CLSTN2: variants seen among roughly 807,000 people sequenced by gnomAD.
CLSTN2 encodes calsyntenin 2.
CLSTN2 carries 48 observed loss-of-function variants against 101.2 expected under a neutral mutation model. The ratio of observed to expected loss-of-function variants is 0.47; its 90% CI spans 0.38 to 0.60. CLSTN2 has a LOEUF of 0.60. Among genes scored for constraint, CLSTN2 ranks in the 20% least tolerant of loss-of-function variants. The pLI is 0.00. For missense variants in CLSTN2, 1,160 were observed against 1,238.2 expected (o/e 0.94, Z 0.95); for synonymous variants, 481 against 463.6 (o/e 1.04, Z -0.48).
At chr3:140,208,028 C>A (rs2010806128) in intron 2 of CLSTN2, among the ~76,000 whole-genome samples, 1 of 152,076 alleles carries the variant, frequency 6.6e-6, no homozygotes. Flanking sequence ...AACCCATTGT[C>A]TGCCAGATTT....
In CLSTN2 at chr3:140,083,452, T is replaced by C. The variant is rs140922199; in HGVS notation, c.110-92499T>C. 1.5e-3 allele frequency among the ~76,000 whole-genome samples: 229 copies of C among 152,344 alleles called. 2 individuals carry two copies. Among genetic ancestry groups the C allele is most frequent in the Non-Finnish European group, 2.6e-3 (174 of 68,034 alleles). On this transcript the variant is annotated intron_variant, in intron 1 of 16. Transcript: ENST00000458420. ...GATGAATGGATGAATGAATTAATGA[T>C]TGGTTGGATGAATTAATATTTCAGA...
chr3:140,417,259 T>C (rs1203538518), intron 4 of CLSTN2, among the ~76,000 whole-genome samples: 2 of 152,300 alleles, frequency 1.3e-5, no homozygotes, highest in South Asian at 2.1e-4. Context: ...TGAACAACAA[T>C]CCATCTTATG....
intron 2 of CLSTN2, among the ~76,000 whole-genome samples, chr3:140,400,356 A>G (rs928465410): frequency 4.6e-5 from 7 of 152,140 alleles, no homozygotes; most frequent in African/African-American, 1.7e-4. Context: ...AACATGCTCC[A>G]TTGTCCCATC....
intron 2 of CLSTN2, among the ~76,000 whole-genome samples, chr3:140,186,154 T>C (rs1559801377): frequency 6.6e-6 from 1 of 152,088 alleles, no homozygotes; most frequent in Non-Finnish European, 1.5e-5. Flanking sequence ...AAATCGTCTT[T>C]TAAAAAGACA....
intron 2 of CLSTN2, among the ~76,000 whole-genome samples, chr3:140,295,570 T>C (rs928017612): frequency 2.2e-4 from 33 of 152,210 alleles, no homozygotes; most frequent in Non-Finnish European, 7.3e-5. Context: ...CTTTATTTTT[T>C]CCCTGAAGTA....
chr3:140,537,825 G>C (rs1935388357), intron 9 of CLSTN2, among the ~76,000 whole-genome samples: 1 of 152,112 alleles, frequency 6.6e-6, no homozygotes, highest in African/African-American at 2.4e-5. Flanking sequence ...CCTCAATCCT[G>C]GACCTCTAAA....
chr3:140,027,118 C>T (rs1025418075), intron 1 of CLSTN2, among the ~76,000 whole-genome samples: 3 of 152,180 alleles, frequency 2.0e-5, no homozygotes, highest in African/African-American at 4.8e-5. Flanking sequence ...CAGCCCAGGG[C>T]GTTCATCAGA....
At chr3:140,374,196 G>C (rs1020261433) in intron 2 of CLSTN2, among the ~76,000 whole-genome samples, 1 of 152,210 alleles carries the variant, frequency 6.6e-6, no homozygotes, top group Non-Finnish European at 1.5e-5. Context: ...ATCTGGTCCT[G>C]ATTTACTGTT....
chr3:140,527,597 A>G (rs1935170096), intron 8 of CLSTN2, among the ~76,000 whole-genome samples: 1 of 152,192 alleles, frequency 6.6e-6, no homozygotes, highest in African/African-American at 2.4e-5. Context: ...AAATTGTTTT[A>G]CCAAAAAGAC....
intron 15 of CLSTN2, among the ~76,000 whole-genome samples, chr3:140,563,411 A>G (rs986128348): frequency 7.9e-5 from 12 of 152,204 alleles, no homozygotes; most frequent in African/African-American, 2.9e-4. Flanking sequence ...CGCAACACAC[A>G]TAATAGCAGA....
At chr3:140,096,081 T>C (rs1390835266) in intron 1 of CLSTN2, among the ~76,000 whole-genome samples, 1 of 152,178 alleles carries the variant, frequency 6.6e-6, no homozygotes, top group Non-Finnish European at 1.5e-5. Flanking sequence ...CAGAAAAGAT[T>C]CTAAGGGAAA....
intron 2 of CLSTN2, among the ~76,000 whole-genome samples, chr3:140,344,426 C>A (rs1330576949): frequency 6.6e-6 from 1 of 152,184 alleles, no homozygotes; most frequent in African/African-American, 2.4e-5. Flanking sequence ...ACGTTGCATG[C>A]CAGAGACAAC....
At chr3:140,258,711 A>G (rs2086623730) in intron 2 of CLSTN2, among the ~76,000 whole-genome samples, 1 of 152,178 alleles carries the variant, frequency 6.6e-6, no homozygotes, top group African/African-American at 2.4e-5. Context: ...ATATCTTTGA[A>G]CCGTTTTTTA....
intron 2 of CLSTN2, among the ~76,000 whole-genome samples, chr3:140,276,649 C>A (rs2086797576): frequency 6.6e-6 from 1 of 152,106 alleles, no homozygotes; most frequent in Non-Finnish European, 1.5e-5. Flanking sequence ...ACTGGGGACC[C>A]TGTGAGGTAT....
At chr3:140,340,642 A>G (rs986450900) in intron 2 of CLSTN2, among the ~76,000 whole-genome samples, 2 of 152,188 alleles carry the variant, frequency 1.3e-5, no homozygotes, top group Admixed American at 1.3e-4. Context: ...AACATCTTAT[A>G]CTGATGTGGT....
intron 1 of CLSTN2, among the ~76,000 whole-genome samples, chr3:140,113,210 A>G (rs1028597090): frequency 1.3e-5 from 2 of 152,192 alleles, no homozygotes; most frequent in Non-Finnish European, 2.9e-5. Flanking sequence ...TGCCCTCGCA[A>G]GAGAGCCAGT....
intron 1 of CLSTN2, among the ~76,000 whole-genome samples, chr3:140,149,712 C>A (rs2009832968): frequency 6.6e-6 from 1 of 152,172 alleles, no homozygotes; most frequent in Admixed American, 6.5e-5. Flanking sequence ...CCACCTTGAC[C>A]TTCCAAAGTG....
chr3:139,978,303 C>T (rs752802388), intron 1 of CLSTN2, among the ~76,000 whole-genome samples: 26 of 152,144 alleles, frequency 1.7e-4, no homozygotes, highest in Non-Finnish European at 1.9e-4. Flanking sequence ...TGAACTGTTG[C>T]TCTGGGGATA....
chr3:140,341,613 C>T (rs1370113163), intron 2 of CLSTN2, among the ~76,000 whole-genome samples: 5 of 152,194 alleles, frequency 3.3e-5, no homozygotes, highest in African/African-American at 9.7e-5. Context: ...GGAGGACAGT[C>T]GGCTTACACC....
Sources: allele counts gnomAD v4.1 joint callset (sites outside exome capture counted in the v4.1 genomes callset), GRCh38; gene constraint gnomAD v4.1.1; transcripts MANE v1.5; gene names NCBI Gene and HGNC (gene_info 2026-07-23, HGNC 2026-07-21).